The following KCMF1 variants were observed in gnomAD, a reference collection of about 807,000 sequenced individuals.
KCMF1 encodes potassium channel modulatory factor 1, also known as E3 ubiquitin-protein ligase KCMF1.
A neutral mutation model predicts 41.1 loss-of-function variants in KCMF1; 3 were observed. The observed-to-expected ratio is 0.07, with a 90% CI of 0.03 to 0.19. KCMF1 has a LOEUF of 0.19. KCMF1 is among the 10% of genes least tolerant of loss of function. The pLI is 1.00. For synonymous variants in KCMF1, 142 were observed against 164.5 expected, an observed-to-expected ratio of 0.86 and a Z score of 1.04; for missense variants, 286 against 488.9, an observed-to-expected ratio of 0.58 and a Z score of 3.91.
chr2:85,036,568 A>C (rs1675408063), intron 3 of KCMF1, among the ~76,000 whole-genome samples: 1 of 152,076 alleles, frequency 6.6e-6, no homozygotes, highest in Non-Finnish European at 1.5e-5. Flanking sequence ...CTGAGGTGAG[A>C]GCATTGCTTG....
At chr2:85,020,911 C>T (rs1456017316) in intron 1 of KCMF1, among the ~76,000 whole-genome samples, 1 of 152,152 alleles carries the variant, frequency 6.6e-6, no homozygotes, top group Non-Finnish European at 1.5e-5. Flanking sequence ...TGCTCTGTCT[C>T]CAGGCTGGAG....
chr2:84,974,542 A>T (rs868604654), intron 1 of KCMF1, among the ~76,000 whole-genome samples: 1 of 151,044 alleles, frequency 6.6e-6, no homozygotes, highest in Non-Finnish European at 1.5e-5. Context: ...GGTGGCAAAC[A>T]TTGCAGGCTT....
intron 2 of KCMF1, among the ~76,000 whole-genome samples, chr2:85,033,887 A>T (rs1675346085): frequency 6.6e-6 from 1 of 152,086 alleles, no homozygotes; most frequent in Non-Finnish European, 1.5e-5. Context: ...AGTTGGGCAA[A>T]ATATTTTGTG....
intron 1 of KCMF1, among the ~76,000 whole-genome samples, chr2:85,025,017 T>G (rs1675058481): frequency 6.6e-6 from 1 of 152,234 alleles, no homozygotes; most frequent in Admixed American, 6.5e-5. Flanking sequence ...GTTTAGCTCT[T>G]GATATATAAA....
chr2:84,984,744 C>T (rs1224680343), intron 1 of KCMF1, among the ~76,000 whole-genome samples: 1 of 152,108 alleles, frequency 6.6e-6, no homozygotes, highest in Admixed American at 6.5e-5. Flanking sequence ...TGCTTGAACC[C>T]GGGAGGCAGA....
chr2:84,972,063 C>G lies in KCMF1; in HGVS notation c.16+596C>G, dbSNP rs985217500. 4 of 152,186 alleles carry G rather than the reference C, an allele frequency of 2.6e-5. 1 individual carries two copies. The East Asian group carries it at 5.8e-4, about 22-fold the overall frequency. The allele number at this position is 152,186 out of a possible 1,614,324, so 9.4% of individuals were successfully genotyped here. On this transcript the variant is annotated intron_variant, in intron 1 of 6. Coordinates refer to ENST00000409785, the MANE Select transcript of KCMF1 (RefSeq NM_020122.5). ...CCTGGAGCCCGCCCCGGCCTCGCGGCTAGGCCTCGGCGCGTCCCTGGGCTC... is the reference window on the plus strand; with the variant it reads ...CCTGGAGCCCGCCCCGGCCTCGCGGGTAGGCCTCGGCGCGTCCCTGGGCTC...
At chr2:85,026,779 A>G (rs956094781) in intron 1 of KCMF1, among the ~76,000 whole-genome samples, 8 of 152,264 alleles carry the variant, frequency 5.3e-5, no homozygotes, top group Admixed American at 2.6e-4. Flanking sequence ...GTTAGCCACC[A>G]CACCCAGTTA....
intron 3 of KCMF1, among the ~76,000 whole-genome samples, chr2:85,039,513 T>C (rs1260326104): frequency 6.6e-6 from 1 of 152,154 alleles, no homozygotes. Flanking sequence ...ATTCGGTGTT[T>C]ATATGTGGAG....
Position 85,049,530 on chromosome 2 carries a change from C to T in KCMF1, c.766C>T (p.Arg256Trp). ...QQLETARNAT[R>W]RTNTSSVTTT... Reference sequence around the variant, plus strand: ...ACTGGAGACCGCACGCAACGCAACCCGGCGTACTAACACAAGCAGTGTCAC... The same window carrying T: ...ACTGGAGACCGCACGCAACGCAACCTGGCGTACTAACACAAGCAGTGTCAC... The change falls in exon 6 of 7, where the codon CGG (arginine) becomes TGG (tryptophan). Residue 256 changes from arginine to tryptophan, a missense_variant. Transcript: ENST00000409785. 1.2e-6 allele frequency: 2 copies of T among 1,613,982 alleles called. No individual in the cohort carries two copies. Among genetic ancestry groups the T allele is most frequent in the South Asian group, 1.1e-5 (1 of 91,072 alleles).
intron 1 of KCMF1, among the ~76,000 whole-genome samples, chr2:84,989,870 G>T (rs150867818): frequency 3.3e-5 from 5 of 152,188 alleles, no homozygotes; most frequent in African/African-American, 1.2e-4. Flanking sequence ...TGAACATGAG[G>T]ACTAGGCTAA....
Position 85,056,801 on chromosome 2 carries a change from T to A in KCMF1, c.*3392T>A, listed in dbSNP as rs1675942863. 6.6e-6 allele frequency: 1 copy of A among 152,240 alleles called. No homozygotes were observed. Among genetic ancestry groups the A allele is most frequent in the African/African-American group, 2.4e-5 (1 of 41,458 alleles). The allele number at this position is 152,240 out of a possible 1,614,324, so 9.4% of individuals were successfully genotyped here. ...GTTTTGTAGAGAAGCCCTGCAGCCG[T>A]GTTTACTATATATGACATGCCTGTT... On this transcript the variant is annotated 3_prime_UTR_variant, in exon 7 of 7. Transcript: ENST00000409785.
intron 1 of KCMF1, among the ~76,000 whole-genome samples, chr2:85,026,299 CTT>C (rs76915217): frequency 1.4e-5 from 2 of 145,374 alleles, no homozygotes; most frequent in Admixed American, 6.9e-5. Flanking sequence ...CATATTTTAA[CTT>C]TTTTTTTTTT....
At chr2:85,004,305 A>G (rs1674410516) in intron 1 of KCMF1, among the ~76,000 whole-genome samples, 1 of 151,970 alleles carries the variant, frequency 6.6e-6, no homozygotes, top group African/African-American at 2.4e-5. Context: ...ATGTCAGGAG[A>G]TTGAGACTAT....
intron 1 of KCMF1, among the ~76,000 whole-genome samples, chr2:85,021,204 T>G (rs1674928314): frequency 6.6e-6 from 1 of 152,164 alleles, no homozygotes; most frequent in African/African-American, 2.4e-5. Flanking sequence ...CATTTGGTTG[T>G]CTTAAGTTGA....
chr2:85,018,517 G>A (rs1034053495), intron 1 of KCMF1, among the ~76,000 whole-genome samples: 4 of 151,572 alleles, frequency 2.6e-5, no homozygotes, highest in Admixed American at 1.3e-4. Context: ...TGATCTGCCC[G>A]CTTCGGCCTC....
intron 1 of KCMF1, among the ~76,000 whole-genome samples, chr2:84,985,547 C>G (rs932997546): frequency 6.6e-6 from 1 of 152,058 alleles, no homozygotes; most frequent in Non-Finnish European, 1.5e-5. Context: ...ACCCTTGGGC[C>G]TGGCCTGGCG....
chr2:85,018,943 A>C (rs562146341), intron 1 of KCMF1, among the ~76,000 whole-genome samples: 1 of 149,536 alleles, frequency 6.7e-6, no homozygotes, highest in Admixed American at 6.7e-5. Flanking sequence ...CACCATGTTG[A>C]CCAGGCTGGT....
At chr2:84,980,578 A>G (rs1673709566) in intron 1 of KCMF1, among the ~76,000 whole-genome samples, 1 of 151,712 alleles carries the variant, frequency 6.6e-6, no homozygotes, top group Non-Finnish European at 1.5e-5. Context: ...TGGCTCTCTG[A>G]GTTGTAGCAA....
intron 1 of KCMF1, among the ~76,000 whole-genome samples, chr2:85,003,195 C>A (rs1033315456): frequency 6.6e-6 from 1 of 152,064 alleles, no homozygotes; most frequent in Non-Finnish European, 1.5e-5. Context: ...TCTTGTTGGC[C>A]GGGCGCGGTG....
Sources: allele counts gnomAD v4.1 joint callset (sites outside exome capture counted in the v4.1 genomes callset), GRCh38; gene constraint gnomAD v4.1.1; transcripts MANE v1.5; gene names NCBI Gene and HGNC (gene_info 2026-07-23, HGNC 2026-07-21).